ZDBF2: variants seen among roughly 807,000 people sequenced by gnomAD.
ZDBF2 encodes zinc finger DBF-type containing 2.
A neutral mutation model predicts 9.4 loss-of-function variants in ZDBF2; 6 were observed. The ratio of observed to expected loss-of-function variants is 0.64; its 90% confidence interval spans 0.35 to 1.27. The LOEUF (loss-of-function observed/expected upper bound fraction) is 1.27. ZDBF2 is among the 50% of genes most tolerant of loss of function. The probability of loss-of-function intolerance (pLI) is 0.03; values close to 1 mark genes in which losing one functional copy is unlikely to be tolerated. For missense variants in ZDBF2, 2,697 were observed against 2,766.8 expected (o/e 0.97, Z 0.57); for synonymous variants, 905 against 946.3 (o/e 0.96, Z 0.80).
At chr2:206,299,839 G>A (rs2105936419) in intron 4 of ZDBF2, among the ~76,000 whole-genome samples, 1 of 151,756 alleles carries the variant, frequency 6.6e-6, no homozygotes, top group East Asian at 1.9e-4. Flanking sequence ...TGGACGCAGT[G>A]GCTCACGCCT....
At chr2:206,291,773 TTAA>T (rs1490961879) in intron 3 of ZDBF2, among the ~76,000 whole-genome samples, 1 of 152,190 alleles carries the variant, frequency 6.6e-6, no homozygotes, top group Non-Finnish European at 1.5e-5. Context: ...TGGTTTGCTA[TTAA>T]TAATATTTTG....
rs1258342604 is a variant in ZDBF2, at chr2:206,307,777, T to C, written c.3249T>C (p.Asp1083=). ...CAGGTGATTCTAAAATAACTTTTGA[T>C]TCTGAACAACTTCAGGAAGCGGTTA... ...SKSGDSKITF[D]SEQLQEAVKK... is the part of the protein sequence containing the mutation. Residue 1083 remains aspartate, a synonymous_variant, in exon 5 of 5, where the codon GAT becomes GAC. Coordinates refer to ENST00000374423, the MANE Select transcript of ZDBF2 (RefSeq NM_020923.3). 1 of 1,610,816 alleles carries C rather than the reference T, an allele frequency of 6.2e-7. No homozygotes were observed. The highest frequency in any genetic ancestry group is 8.5e-7 in the Non-Finnish European group (1 of 1,179,166).
rs777812870 is a variant in ZDBF2, at chr2:206,311,343, C to CT, written c.6817dup (p.Ser2273PhefsTer37). 6.2e-7 allele frequency: 1 copy of CT among 1,604,424 alleles called. No homozygotes were observed. The highest frequency in any genetic ancestry group is 1.7e-5 in the Admixed American group (1 of 58,350). ...AGAACAGCTAAAGTGCTTTTGAACTCTTCAGTTCCACCAGCTGGTGCCGAA... is the reference window on the plus strand; with the variant it reads ...AGAACAGCTAAAGTGCTTTTGAACTCTTTCAGTTCCACCAGCTGGTGCCGAA... On this transcript the variant is annotated frameshift_variant, in exon 5 of 5. Coordinates refer to ENST00000374423, the MANE Select transcript of ZDBF2 (RefSeq NM_020923.3). LOFTEE classifies it low-confidence loss of function (END_TRUNC).
intron 3 of ZDBF2, among the ~76,000 whole-genome samples, chr2:206,291,524 G>C (rs1397151875): frequency 6.6e-6 from 1 of 152,044 alleles, no homozygotes; most frequent in African/African-American, 2.4e-5. Context: ...TATTTTATAA[G>C]GCCGCCAATC....
At chr2:206,283,387 TTTGTTG>T (rs576202197) in intron 3 of ZDBF2, among the ~76,000 whole-genome samples, 1 of 151,342 alleles carries the variant, frequency 6.6e-6, no homozygotes, top group Non-Finnish European at 1.5e-5. Context: ...TGTTTTGTTT[TTTGTTG>T]TTGTTGTTGT....
chr2:206,300,618 A>G (rs958069111), intron 4 of ZDBF2, among the ~76,000 whole-genome samples: 1 of 152,172 alleles, frequency 6.6e-6, no homozygotes, highest in African/African-American at 2.4e-5. Context: ...CTGTCTGCCA[A>G]GTTACTCCAC....
chr2:206,287,667 T>C (rs928160678), intron 3 of ZDBF2, among the ~76,000 whole-genome samples: 2 of 152,240 alleles, frequency 1.3e-5, no homozygotes, highest in East Asian at 3.8e-4. Context: ...TCTTCTTGTC[T>C]TCCCCATCTG....
In ZDBF2 at chr2:206,311,495, G is replaced by C; in HGVS notation, c.6967G>C (p.Val2323Leu). The C allele has an allele frequency of 6.2e-7, 1 of 1,604,008 alleles. No homozygotes were observed. The highest frequency in any genetic ancestry group is 8.5e-7 in the Non-Finnish European group (1 of 1,177,104). Residue 2323 changes from valine to leucine, a missense_variant, in exon 5 of 5, where the codon GTG (valine) becomes CTG (leucine). Physicochemically the swap from Val to Leu is conservative, Grantham distance 32. Coordinates refer to ENST00000374423, the MANE Select transcript of ZDBF2 (RefSeq NM_020923.3). ...HGRQKGPSTPVRAYDLRSSSC... is the reference protein window; with the variant it reads ...HGRQKGPSTPLRAYDLRSSSC... ...CCGACAGAAAGGTCCTTCTACACCT[G>C]TGAGAGCATATGATCTGAGAAGCTC... is the stretch of plus-strand genomic sequence containing the variant.
chr2:206,281,880 T>C lies in ZDBF2; in HGVS notation c.31T>C (p.Cys11Arg). ...GAAAAGACAAGGATATTGCAGTTAT[T>C]GCCGTGTGCAGTATAATAACCTGGA... The part of the protein sequence containing the change: MQKRQGYCSY[C>R]RVQYNNLEQH... Residue 11 changes from cysteine to arginine, a missense_variant, in exon 3 of 5, where the codon TGC (cysteine) becomes CGC (arginine). Cys to Arg is a radical substitution (Grantham distance 180). Transcript: ENST00000374423. 1.2e-6 allele frequency: 2 copies of C among 1,613,480 alleles called. No homozygotes were observed. The highest frequency in any genetic ancestry group is 1.7e-6 in the Non-Finnish European group (2 of 1,179,640).
At chr2:206,293,640 G>C (rs1692014519) in intron 3 of ZDBF2, among the ~76,000 whole-genome samples, 1 of 152,198 alleles carries the variant, frequency 6.6e-6, no homozygotes, top group Non-Finnish European at 1.5e-5. Context: ...CAATGTAAAA[G>C]AGGATATCCA....
chr2:206,279,338 T>G (rs956802673), intron 1 of ZDBF2, among the ~76,000 whole-genome samples: 2 of 152,158 alleles, frequency 1.3e-5, no homozygotes, highest in African/African-American at 4.8e-5. Flanking sequence ...GCCATCACAG[T>G]CACTGCGCCA....
intron 2 of ZDBF2, among the ~76,000 whole-genome samples, chr2:206,281,334 T>C (rs1691305693): frequency 6.6e-6 from 1 of 152,208 alleles, no homozygotes; most frequent in Admixed American, 6.5e-5. Flanking sequence ...TGCCTCTCTA[T>C]GAGCTGAGCA....
Position 206,309,346 on chromosome 2 carries a change from G to A in ZDBF2, c.4818G>A (p.Arg1606=). 6.2e-7 allele frequency: 1 copy of A among 1,613,006 alleles called. No homozygotes were observed. Among genetic ancestry groups the A allele is most frequent in the Non-Finnish European group, 8.5e-7 (1 of 1,179,576 alleles). The change falls in exon 5 of 5, where the codon CGG becomes CGA. Residue 1606 remains arginine, a synonymous_variant. Transcript: ENST00000374423. ...AAGAGACTTTCAAAATAATAAACCGGAAGAAGGACTATATTATTCTGGGAG... is the reference window on the plus strand; with the variant it reads ...AAGAGACTTTCAAAATAATAAACCGAAAGAAGGACTATATTATTCTGGGAG... ...QCKETFKIIN[R]KKDYIILGEP...
In ZDBF2 at chr2:206,297,350, C is replaced by T; in HGVS notation, c.165C>T (p.His55=). 5 of 1,612,992 alleles carry T rather than the reference C, an allele frequency of 3.1e-6. No individual in the cohort carries two copies. Among genetic ancestry groups the T allele is most frequent in the Non-Finnish European group, 4.2e-6 (5 of 1,179,566 alleles). The stretch of plus-strand genomic sequence containing the variant: ...TCTTACAGGATGTACTGCAGCACCA[C>T]CCATATCATTGTCAAGAGAGCAGGT... ...ERFLQDVLQH[H]PYHCQESSST... Residue 55 remains histidine (H), a synonymous_variant, in exon 4 of 5, where the codon CAC becomes CAT. Coordinates refer to ENST00000374423, the MANE Select transcript of ZDBF2 (RefSeq NM_020923.3).
chr2:206,300,553 A>C (rs1004495156), intron 4 of ZDBF2, among the ~76,000 whole-genome samples: 4 of 152,162 alleles, frequency 2.6e-5, no homozygotes, highest in Non-Finnish European at 5.9e-5. Context: ...GAGACACATA[A>C]TGTTGCCGTG....
In ZDBF2 at chr2:206,308,808, T is replaced by C. The variant is rs1156778123; in HGVS notation, c.4280T>C (p.Val1427Ala). Residue 1427 changes from valine to alanine, a missense_variant, in exon 5 of 5, where the codon GTA (valine) becomes GCA (alanine). By Grantham distance (64) the Val-to-Ala change is moderately conservative. Coordinates refer to ENST00000374423, the MANE Select transcript of ZDBF2 (RefSeq NM_020923.3). ...CAGTTTGTGACTGATCAATCTTCTGTACCTGTCAAAGAAATAAACTTGCAA... is the reference window on the plus strand; with the variant it reads ...CAGTTTGTGACTGATCAATCTTCTGCACCTGTCAAAGAAATAAACTTGCAA... ...PVQFVTDQSS[V>A]PVKEINLQKK... The C allele has an allele frequency of 1.2e-6, 2 of 1,613,874 alleles. No individual in the cohort carries two copies. Among genetic ancestry groups the C allele is most frequent in the Non-Finnish European group, 1.7e-6 (2 of 1,179,836 alleles).
intron 1 of ZDBF2, among the ~76,000 whole-genome samples, chr2:206,275,364 C>T (rs938657649): frequency 6.6e-6 from 1 of 152,280 alleles, no homozygotes; most frequent in East Asian, 1.9e-4. Flanking sequence ...GTCCACACAC[C>T]CCCTTCCCCC....
chr2:206,293,791 T>C (rs892383236), intron 3 of ZDBF2, among the ~76,000 whole-genome samples: 21 of 152,206 alleles, frequency 1.4e-4, no homozygotes, highest in Admixed American at 1.2e-3. Flanking sequence ...ATACTGCTGG[T>C]AGGGAATATA....
intron 3 of ZDBF2, among the ~76,000 whole-genome samples, chr2:206,287,859 T>C (rs892909214): frequency 6.6e-6 from 1 of 152,160 alleles, no homozygotes; most frequent in African/African-American, 2.4e-5. Context: ...CTCTGTATTG[T>C]ATTTTTTATT....
Sources: gnomAD v4.1 joint callset for allele counts (sites outside exome capture counted in the v4.1 genomes callset) on GRCh38, gnomAD v4.1.1 for gene constraint, MANE v1.5 for transcripts, NCBI Gene and HGNC (gene_info 2026-07-23, HGNC 2026-07-21) for gene names.